CDH12: variants seen among roughly 807,000 people sequenced by gnomAD.
CDH12 encodes cadherin 12, also known as cadherin-12.
In CDH12, 41 loss-of-function variants were observed where a neutral mutation model predicts 74.1. That is an observed-to-expected ratio of 0.55 (90% CI 0.43 to 0.72). The LOEUF (loss-of-function observed/expected upper bound fraction) is 0.72. CDH12 is among the 30% of genes least tolerant of loss of function. CDH12 has a pLI of 0.00. For synonymous variants in CDH12, 399 were observed against 355.0 expected (o/e 1.12, Z -1.39); for missense variants, 945 against 977.2 (o/e 0.97, Z 0.44).
intron 6 of CDH12, among the ~76,000 whole-genome samples, chr5:21,970,874 A>AAAAAAAAAAAAAAAAC (rs1756822951): frequency 7.7e-6 from 1 of 129,656 alleles, no homozygotes; most frequent in African/African-American, 3.0e-5. Flanking sequence ...AAAAAAAAAA[A>AAAAAAAAAAAAAAAAC]GAAAAAAGAA....
intron 2 of CDH12, among the ~76,000 whole-genome samples, chr5:22,416,619 G>C (rs1743402856): frequency 6.6e-6 from 1 of 152,072 alleles, no homozygotes; most frequent in African/African-American, 2.4e-5. Context: ...TTTTGTCAGT[G>C]AGTGGTATAA....
intron 3 of CDH12, among the ~76,000 whole-genome samples, chr5:22,301,069 T>C (rs35459222): frequency 0.36 from 53,117 of 146,702 alleles, 9,679 homozygotes; most frequent in East Asian, 0.5. Context: ...GTATTAAAAA[T>C]TGTGTGGATT....
chr5:22,476,957 G>A (rs1296357787), intron 2 of CDH12, among the ~76,000 whole-genome samples: 1 of 152,052 alleles, frequency 6.6e-6, no homozygotes, highest in Non-Finnish European at 1.5e-5. Context: ...GTGGATTGTG[G>A]TGATTTACCA....
At chr5:22,429,954 A>G (rs1412006855) in intron 2 of CDH12, among the ~76,000 whole-genome samples, 1 of 152,200 alleles carries the variant, frequency 6.6e-6, no homozygotes, top group African/African-American at 2.4e-5. Flanking sequence ...GAAAGCTGAA[A>G]GAGATTAATA....
intron 4 of CDH12, among the ~76,000 whole-genome samples, chr5:22,197,373 G>A (rs1750681607): frequency 6.6e-6 from 1 of 152,130 alleles, no homozygotes; most frequent in African/African-American, 2.4e-5. Flanking sequence ...GTGTGAACCC[G>A]GGAGGCGAGC....
intron 5 of CDH12, among the ~76,000 whole-genome samples, chr5:22,008,571 G>A (rs181524244): frequency 2.0e-5 from 3 of 152,114 alleles, no homozygotes; most frequent in African/African-American, 7.2e-5. Context: ...AGACCCTCAA[G>A]TTTCACAGCC....
At chr5:22,085,879 A>C (rs1049927758) in intron 4 of CDH12, among the ~76,000 whole-genome samples, 1 of 152,244 alleles carries the variant, frequency 6.6e-6, no homozygotes, top group Non-Finnish European at 1.5e-5. Context: ...AAATATTTAA[A>C]GACTTCAAGC....
At chr5:22,258,096 G>GT (rs993107766) in intron 3 of CDH12, among the ~76,000 whole-genome samples, 1 of 151,748 alleles carries the variant, frequency 6.6e-6, no homozygotes, top group Non-Finnish European at 1.5e-5. Context: ...AGGACGTAAA[G>GT]TTTTTTTTGC....
chr5:22,399,690 A>G (rs1368789562), intron 3 of CDH12, among the ~76,000 whole-genome samples: 3 of 151,974 alleles, frequency 2.0e-5, no homozygotes, highest in Non-Finnish European at 1.5e-5. Context: ...GGAACCTTCA[A>G]TTTCTTCCCA....
intron 3 of CDH12, among the ~76,000 whole-genome samples, chr5:22,216,155 A>C (rs1751796509): frequency 6.6e-6 from 1 of 152,046 alleles, no homozygotes; most frequent in African/African-American, 2.4e-5. Flanking sequence ...GTTGTCAAAA[A>C]GGATCTTAAG....
chr5:22,510,336 A>T (rs2126670121), intron 1 of CDH12, among the ~76,000 whole-genome samples: 1 of 152,326 alleles, frequency 6.6e-6, no homozygotes, highest in Middle Eastern at 3.4e-3. Context: ...TTGGAAACAT[A>T]AAATTACCCT....
chr5:22,810,856 T>C (rs1749099651), intron 1 of CDH12, among the ~76,000 whole-genome samples: 2 of 152,050 alleles, frequency 1.3e-5, no homozygotes, highest in African/African-American at 4.8e-5. Context: ...TACTCCAGCC[T>C]GGGCAACAGA....
intron 10 of CDH12, among the ~76,000 whole-genome samples, chr5:21,801,438 A>G (rs540274301): frequency 6.6e-6 from 1 of 152,292 alleles, no homozygotes; most frequent in Non-Finnish European, 1.5e-5. Context: ...TCAAGCATAC[A>G]ATAGAACGAA....
At chr5:21,965,467 G>A (rs955216274) in intron 6 of CDH12, among the ~76,000 whole-genome samples, 2 of 151,934 alleles carry the variant, frequency 1.3e-5, no homozygotes, top group African/African-American at 4.8e-5. Flanking sequence ...TTTTCTCAGA[G>A]GCAAAATTAA....
intron 6 of CDH12, among the ~76,000 whole-genome samples, chr5:21,898,592 C>T (rs957674917): frequency 1.1e-4 from 17 of 151,892 alleles, no homozygotes; most frequent in Non-Finnish European, 2.5e-4. Flanking sequence ...GTCCCAGCTA[C>T]TCGGGAGGCT....
At chr5:22,261,128 A>G (rs1420798956) in intron 3 of CDH12, among the ~76,000 whole-genome samples, 1 of 151,688 alleles carries the variant, frequency 6.6e-6, no homozygotes, top group Non-Finnish European at 1.5e-5. Flanking sequence ...GCTAAAAGCT[A>G]TGGGACTTCA....
Position 21,751,821 on chromosome 5 carries a change from A to G in CDH12, c.2301T>C (p.Tyr767=). 1 of 1,614,024 alleles carries G rather than the reference A, an allele frequency of 6.2e-7. No individual in the cohort carries two copies. The highest frequency in any genetic ancestry group is 1.1e-5 in the South Asian group (1 of 91,076). ...LTTEADQDYD[Y]LTDWGPRFKV... ...TAAAGCGGGGTCCCCAGTCTGTCAG[A>G]TAGTCATAGTCCTGGTCGGCTTCTG... Residue 767 remains tyrosine (Y), a synonymous_variant, in exon 15 of 15, where the codon TAT becomes TAC. Transcript: ENST00000382254.
At chr5:22,310,002 G>A (rs1402639674) in intron 3 of CDH12, among the ~76,000 whole-genome samples, 1 of 146,096 alleles carries the variant, frequency 6.8e-6, no homozygotes, top group Non-Finnish European at 1.5e-5. Flanking sequence ...GGCTGTTGGG[G>A]GGTGGGGGGC....
chr5:21,979,856 C>A (rs538299719), intron 5 of CDH12, among the ~76,000 whole-genome samples: 1 of 151,606 alleles, frequency 6.6e-6, no homozygotes. Flanking sequence ...CCTGAGGAAT[C>A]GCCACACTGA....
Sources: allele counts gnomAD v4.1 joint callset (sites outside exome capture counted in the v4.1 genomes callset), GRCh38; gene constraint gnomAD v4.1.1; transcripts MANE v1.5; gene names NCBI Gene and HGNC (gene_info 2026-07-23, HGNC 2026-07-21).